The following ADARB1 variants were observed in gnomAD, a reference collection of about 807,000 sequenced individuals.
The protein encoded by ADARB1 is double-stranded RNA-specific editase 1.
Under a neutral mutation model 52.4 loss-of-function variants are expected in ADARB1, and 10 were observed. The ratio of observed to expected loss-of-function variants is 0.19; its 90% CI spans 0.12 to 0.32. The LOEUF (loss-of-function observed/expected upper bound fraction) is 0.32. ADARB1 is among the 10% of genes least tolerant of loss of function. The pLI is 1.00. For missense variants in ADARB1, 643 were observed against 922.3 expected (o/e 0.70, Z 3.92); for synonymous variants, 349 against 371.1 (o/e 0.94, Z 0.68).
At chr21:45,104,900 T>G (rs2087180054) in intron 1 of ADARB1, among the ~76,000 whole-genome samples, 1 of 152,208 alleles carries the variant, frequency 6.6e-6, no homozygotes, top group South Asian at 2.1e-4. Flanking sequence ...TGTGCTTCCC[T>G]TGGGGAAATG....
intron 2 of ADARB1, among the ~76,000 whole-genome samples, chr21:45,162,922 A>G (rs1337151790): frequency 6.6e-6 from 1 of 152,210 alleles, no homozygotes; most frequent in Non-Finnish European, 1.5e-5. Context: ...CTTAACTCAC[A>G]GCACCAGACA....
chr21:45,125,317 G>C (rs2088503793), intron 1 of ADARB1, among the ~76,000 whole-genome samples: 1 of 152,130 alleles, frequency 6.6e-6, no homozygotes, highest in African/African-American at 2.4e-5. Flanking sequence ...AGTGTCTGGA[G>C]CTCTGCTTCT....
chr21:45,088,265 A>G (rs948291272), intron 1 of ADARB1, among the ~76,000 whole-genome samples: 31 of 152,306 alleles, frequency 2.0e-4, no homozygotes, highest in African/African-American at 7.5e-4. Context: ...TTGCTGATAA[A>G]AATAAGCAGG....
intron 2 of ADARB1, chr21:45,152,746 T>A (rs930733346): frequency 1.3e-5 from 5 of 378,550 alleles, no homozygotes; most frequent in African/African-American, 1.1e-4. Flanking sequence ...TGTGAAGCAT[T>A]TGTCTTTAAT....
chr21:45,132,658 A>G (rs1266044983), intron 2 of ADARB1, among the ~76,000 whole-genome samples: 1 of 152,188 alleles, frequency 6.6e-6, no homozygotes, highest in Non-Finnish European at 1.5e-5. Context: ...GTGACACTCC[A>G]GATGTGGGGT....
chr21:45,163,022 T>C (rs940140191), intron 2 of ADARB1, among the ~76,000 whole-genome samples: 1 of 152,166 alleles, frequency 6.6e-6, no homozygotes, highest in Non-Finnish European at 1.5e-5. Context: ...CGGCCAACTG[T>C]CGTTTTGCAG....
At chr21:45,097,329 G>T (rs2086806851) in intron 1 of ADARB1, among the ~76,000 whole-genome samples, 1 of 152,152 alleles carries the variant, frequency 6.6e-6, no homozygotes, top group Non-Finnish European at 1.5e-5. Flanking sequence ...ATGATTTTCG[G>T]GCTACTGGAT....
intron 9 of ADARB1, among the ~76,000 whole-genome samples, chr21:45,211,201 T>A (rs1378784683): frequency 6.6e-6 from 1 of 152,194 alleles, no homozygotes; most frequent in African/African-American, 2.4e-5. Context: ...TGTGTTTATT[T>A]CTCTGTCAGC....
rs2092990031 is a variant in ADARB1 at position 45,222,869 on chromosome 21, A to C, written c.*672A>C. 9.1e-6 allele frequency: 9 copies of C among 985,390 alleles called. 1 individual carries two copies. In the South Asian group the frequency reaches 3.8e-4, roughly 41 times the overall value. 61.0% of individuals were successfully genotyped at this position (985,390 alleles called of 1,614,324 possible). On this transcript the variant is annotated 3_prime_UTR_variant, in exon 11 of 11. Coordinates refer to ENST00000348831, the MANE Select transcript of ADARB1 (RefSeq NM_001112.4). ...TGTCATGCACATGGGGTCCCGCAGC[A>C]GTGACTGTGTGTCCTGCAGAGGCGT...
chr21:45,191,347 A>G (rs1423224722), intron 8 of ADARB1, among the ~76,000 whole-genome samples: 1 of 152,094 alleles, frequency 6.6e-6, no homozygotes, highest in Non-Finnish European at 1.5e-5. Context: ...AGCACTGTCC[A>G]TGTTTTCTTC....
chr21:45,120,139 G>A (rs190357161), intron 1 of ADARB1, among the ~76,000 whole-genome samples: 101 of 152,278 alleles, frequency 6.6e-4, no homozygotes, highest in Non-Finnish European at 1.1e-3. Flanking sequence ...CTAGCCCTTA[G>A]TTGCACTGAG....
rs541819298 is a variant in ADARB1 at position 45,219,848 on chromosome 21, A to G, written c.1748-988A>G. Among the ~76,000 whole-genome samples the G allele has an allele frequency of 9.2e-5, 14 of 152,324 alleles. 1 individual carries two copies. The East Asian group carries it at 2.1e-3, about 23-fold the overall frequency. ...CTCACTTTCTTGAAACACTGTCATC[A>G]TAAGCAGATATTACCATCCTTTGGC... is the stretch of plus-strand genomic sequence containing the variant. On this transcript the variant is annotated intron_variant, in intron 9 of 10. Transcript: ENST00000348831.
chr21:45,077,661 C>T (rs1228691151), intron 1 of ADARB1, among the ~76,000 whole-genome samples: 7 of 148,870 alleles, frequency 4.7e-5, no homozygotes, highest in Non-Finnish European at 7.4e-5. Flanking sequence ...AGCGAGACGC[C>T]GTCTAAAAAA....
chr21:45,151,874 T>C (rs983618852), intron 2 of ADARB1, among the ~76,000 whole-genome samples: 4 of 152,198 alleles, frequency 2.6e-5, no homozygotes, highest in African/African-American at 9.7e-5. Context: ...CCAGGCACAG[T>C]GGAAAATGGG....
At position 45,182,705 on chromosome 21, in the gene ADARB1, G is replaced by A; in HGVS notation, c.1199G>A (p.Arg400Gln). 1.9e-6 allele frequency: 3 copies of A among 1,610,740 alleles called. No homozygotes were observed. Among genetic ancestry groups the A allele is most frequent in the Non-Finnish European group, 2.5e-6 (3 of 1,178,888 alleles). Residue 400 changes from arginine to glutamine, a missense_variant, in exon 6 of 11, where the codon CGG (arginine) becomes CAG (glutamine). By Grantham distance (43) the Arg-to-Gln change is conservative (BLOSUM62 1). This residue lies in a region of ADARB1 where 263 missense variants were observed against 475.8 expected (regional missense o/e 0.55). Coordinates refer to ENST00000348831, the MANE Select transcript of ADARB1 (RefSeq NM_001112.4). ...LNDCHAEIIS[R>Q]RSLLRFLYTQ... is the part of the protein sequence containing the mutation. ...GACTGCCATGCAGAAATAATATCTCGGAGATCCTTGCTCAGATTTCTTTAT... is the reference window on the plus strand; with the variant it reads ...GACTGCCATGCAGAAATAATATCTCAGAGATCCTTGCTCAGATTTCTTTAT...
rs974148134 is a variant in ADARB1 at position 45,157,223 on chromosome 21, A to G, written c.-47-14387A>G. On this transcript the variant is annotated intron_variant, in intron 2 of 10. Coordinates refer to ENST00000348831, the MANE Select transcript of ADARB1 (RefSeq NM_001112.4). This position sits in a 1 kb window ranked among gnomAD's most constrained non-coding sequence, Gnocchi z 4.1. ...GGTTAACAGTTGAAATTCTAAAGTA[A>G]GCATGTAGAAGTAGATTTGTGAAAT... Among the ~76,000 whole-genome samples the G allele has an allele frequency of 6.6e-6, 1 of 152,246 alleles. No individual in the cohort carries two copies. The highest frequency in any genetic ancestry group is 1.5e-5 in the Non-Finnish European group (1 of 68,042).
chr21:45,114,997 A>G (rs2087750137), intron 1 of ADARB1, among the ~76,000 whole-genome samples: 2 of 152,180 alleles, frequency 1.3e-5, no homozygotes, highest in Non-Finnish European at 2.9e-5. Flanking sequence ...TTTATTTGAA[A>G]CAACAGCAAA....
Position 45,226,377 on chromosome 21 carries a change from G to T in ADARB1, c.*4180G>T, listed in dbSNP as rs1014129031. 1.3e-5 allele frequency: 2 copies of T among 152,598 alleles called. No homozygotes were observed. Among genetic ancestry groups the T allele is most frequent in the African/African-American group, 4.8e-5 (2 of 41,428 alleles). The allele number at this position is 152,598 out of a possible 1,614,324, so 9.5% of individuals were successfully genotyped here. Reference sequence around the variant, plus strand: ...GGACACTTTCTATGAATGTAATTCGGCTGAGAAACATGTTGCTGAGATGCA... The same window carrying T: ...GGACACTTTCTATGAATGTAATTCGTCTGAGAAACATGTTGCTGAGATGCA... On this transcript the variant is annotated 3_prime_UTR_variant, in exon 11 of 11. Transcript: ENST00000348831.
At chr21:45,171,140 G>A (rs2091464722) in intron 2 of ADARB1, among the ~76,000 whole-genome samples, 1 of 152,164 alleles carries the variant, frequency 6.6e-6, no homozygotes, top group South Asian at 2.1e-4. Flanking sequence ...GAGGTCTGTC[G>A]CCATCTGTCA....
Sources: gnomAD v4.1 joint callset for allele counts (sites outside exome capture counted in the v4.1 genomes callset) on GRCh38, gnomAD v4.1.1 for gene constraint, gnomAD v4.1.1 regional missense constraint, Gnocchi (gnomAD v3.1) non-coding constraint, MANE v1.5 for transcripts, NCBI Gene and HGNC (gene_info 2026-07-23, HGNC 2026-07-21) for gene names.